The following APPL1 variants were observed in gnomAD, a reference collection of about 807,000 sequenced individuals.
APPL1 encodes the protein DCC-interacting protein 13-alpha.
APPL1 carries 42 observed loss-of-function variants against 106.8 expected under a neutral mutation model. The observed-to-expected ratio is 0.39, with a 90% CI of 0.31 to 0.51. The LOEUF (loss-of-function observed/expected upper bound fraction) is 0.51. APPL1 is among the 20% of genes least tolerant of loss of function. The probability of loss-of-function intolerance (pLI) is 0.75; values close to 1 mark genes in which losing one functional copy is unlikely to be tolerated. For missense variants in APPL1, 769 were observed against 858.2 expected, an observed-to-expected ratio of 0.90 and a Z score of 1.30; for synonymous variants, 263 against 281.8, an observed-to-expected ratio of 0.93 and a Z score of 0.67.
Position 57,227,986 on chromosome 3 carries a change from C to G in APPL1, c.54+49C>G, listed in dbSNP as rs887386595. On this transcript the variant is annotated intron_variant, in intron 1 of 21. Transcript: ENST00000288266. ...GACGAGGGAGAGCCCAGCTGGCCGA[C>G]CCCAGGTCTGGCGCCTCCGCGGCTC... The G allele has an allele frequency of 2.9e-6, 4 of 1,375,216 alleles. No individual in the cohort carries two copies. The African/African-American group carries it at 6.0e-5, about 21-fold the overall frequency. 85.2% of individuals were successfully genotyped at this position (1,375,216 alleles called of 1,614,324 possible).
chr3:57,234,147 T>C (rs2060703470), intron 1 of APPL1, among the ~76,000 whole-genome samples: 1 of 152,066 alleles, frequency 6.6e-6, no homozygotes, highest in Non-Finnish European at 1.5e-5. Context: ...AGAATAAAAA[T>C]ATATCTTTTA....
In APPL1 at chr3:57,239,143, C is replaced by G. The variant is rs1301923895; in HGVS notation, c.285+1027C>G. Among the ~76,000 whole-genome samples, 5 of 152,310 alleles carry G rather than the reference C, an allele frequency of 3.3e-5. No homozygotes were observed. In the South Asian group the frequency reaches 1.0e-3, roughly 32 times the overall value. Reference sequence around the variant, plus strand: ...CATCAGATCTCGTGAAACTTATTCACTACCACGAGAACAGTATGGGGGAAA... The same window carrying G: ...CATCAGATCTCGTGAAACTTATTCAGTACCACGAGAACAGTATGGGGGAAA... On this transcript the variant is annotated intron_variant, in intron 4 of 21. Transcript: ENST00000288266.
At position 57,269,754 on chromosome 3, in the gene APPL1, A is replaced by G. The variant is rs981815760; in HGVS notation, c.*67A>G. 1.8e-5 allele frequency: 27 copies of G among 1,532,386 alleles called. No individual in the cohort carries two copies. In the African/African-American group the frequency reaches 2.9e-4, roughly 16 times the overall value. The allele number at this position is 1,532,386 out of a possible 1,614,324, so 94.9% of individuals were successfully genotyped here. A position where few individuals can be genotyped will look rare whatever the true frequency, so the allele number is the denominator to read the frequency against. On this transcript the variant is annotated 3_prime_UTR_variant, in exon 22 of 22. Coordinates refer to ENST00000288266, the MANE Select transcript of APPL1 (RefSeq NM_012096.3). ...TTTCTATGGTGAAATGGCAGAAGGT[A>G]ACAACTATGTTGAAATATCAAGGAG...
At chr3:57,239,237 A>G (rs550743534) in intron 4 of APPL1, among the ~76,000 whole-genome samples, 5 of 152,316 alleles carry the variant, frequency 3.3e-5, no homozygotes, top group South Asian at 4.2e-4. Flanking sequence ...GGGAGCTACA[A>G]TTGAAGATGA....
chr3:57,261,924 A>G (rs57763275), intron 19 of APPL1, among the ~76,000 whole-genome samples: 25,983 of 152,000 alleles, frequency 0.17, 2,473 homozygotes, highest in African/African-American at 0.21. Context: ...CATTTCACCA[A>G]CATCTGCTAT....
chr3:57,241,627 A>G (rs529117440), intron 5 of APPL1, among the ~76,000 whole-genome samples: 2 of 152,330 alleles, frequency 1.3e-5, no homozygotes, highest in African/African-American at 4.8e-5. Flanking sequence ...CATCTAATGT[A>G]TTTTAAAGAT....
rs1205275936 is a variant in APPL1 at position 57,270,832 on chromosome 3, A to T, written c.*1145A>T. ...AGTAAAAGGTCCAATTTTGTGAAAGATTGAAAATGAATTGAATGCCTAGTA... is the reference window on the plus strand; with the variant it reads ...AGTAAAAGGTCCAATTTTGTGAAAGTTTGAAAATGAATTGAATGCCTAGTA... On this transcript the variant is annotated 3_prime_UTR_variant, in exon 22 of 22. Transcript: ENST00000288266. The T allele has an allele frequency of 1.3e-5, 2 of 152,174 alleles. No individual in the cohort carries two copies. The highest frequency in any genetic ancestry group is 2.9e-5 in the Non-Finnish European group (2 of 68,010). 9.4% of individuals were successfully genotyped at this position (152,174 alleles called of 1,614,324 possible).
intron 7 of APPL1, 51 bp downstream of exon 7, chr3:57,242,965 G>T: frequency 7.1e-7 from 1 of 1,406,594 alleles, no homozygotes; most frequent in Non-Finnish European, 1.0e-6. Context: ...TTCATTAGGT[G>T]GTTTAGTTTT....
chr3:57,244,490 A>G (rs931464871), intron 7 of APPL1, among the ~76,000 whole-genome samples: 1 of 152,200 alleles, frequency 6.6e-6, no homozygotes, highest in African/African-American at 2.4e-5. Context: ...TGACATTTAC[A>G]TTAAAGATAA....
chr3:57,242,037 T>C (rs2060748783), intron 5 of APPL1, 64 bp from the exon 6 acceptor site: 11 of 1,188,812 alleles, frequency 9.3e-6, no homozygotes, highest in Admixed American at 2.1e-5. Context: ...GTAGCAGTTA[T>C]TGTTTTCCAA....
intron 7 of APPL1, among the ~76,000 whole-genome samples, chr3:57,245,577 C>CT (rs2060768900): frequency 6.7e-6 from 1 of 149,774 alleles, no homozygotes; most frequent in African/African-American, 2.5e-5. Flanking sequence ...CAGTCTCTCT[C>CT]TGTCACCCAG....
chr3:57,244,408 G>A (rs940115375), intron 7 of APPL1, among the ~76,000 whole-genome samples: 1 of 152,070 alleles, frequency 6.6e-6, no homozygotes, highest in Non-Finnish European at 1.5e-5. Context: ...TGCCTGCCTC[G>A]GCCTCCCAAA....
chr3:57,247,628 T>G, intron 9 of APPL1, 151 bp downstream of exon 9: 1 of 573,144 alleles, frequency 1.7e-6, no homozygotes, highest in Admixed American at 3.5e-5. Context: ...TACTTCTTGT[T>G]TTTTTTTAAC....
At chr3:57,267,643 G>A (rs908439353) in intron 19 of APPL1, 99 bp from the exon 20 acceptor site, 3 of 973,440 alleles carry the variant, frequency 3.1e-6, no homozygotes, top group African/African-American at 3.2e-5. Context: ...AATGTATTAG[G>A]ATTAGTTATA....
intron 7 of APPL1, among the ~76,000 whole-genome samples, chr3:57,243,961 CT>C (rs1401226068): frequency 6.6e-6 from 1 of 152,154 alleles, no homozygotes; most frequent in African/African-American, 2.4e-5. Flanking sequence ...CCCTCAAAGA[CT>C]GGATACTCCA....
At position 57,228,825 on chromosome 3, in the gene APPL1, C is replaced by G. The variant is rs1169786961; in HGVS notation, c.54+888C>G. Among the ~76,000 whole-genome samples the G allele has an allele frequency of 6.6e-6, 1 of 152,178 alleles. No homozygotes were observed. Among genetic ancestry groups the G allele is most frequent in the Non-Finnish European group, 1.5e-5 (1 of 68,032 alleles). ...ATTTAAACGGTTTAAGACGGTGTTG[C>G]TGGTTGGACACTATTTAGAATGAAA... On this transcript the variant is annotated intron_variant, in intron 1 of 21. Coordinates refer to ENST00000288266, the MANE Select transcript of APPL1 (RefSeq NM_012096.3). The surrounding 1 kb of genome is among the most constrained non-coding windows in gnomAD (Gnocchi z 4.6).
At chr3:57,267,697 T>A in intron 19 of APPL1, 45 bp from the exon 20 acceptor site, 1 of 1,568,174 alleles carries the variant, frequency 6.4e-7, no homozygotes, top group South Asian at 1.1e-5. Context: ...ATTTTTGCTT[T>A]GTTGTGAGAA....
At chr3:57,243,786 G>C (rs1221586229) in intron 7 of APPL1, among the ~76,000 whole-genome samples, 2 of 152,002 alleles carry the variant, frequency 1.3e-5, no homozygotes, top group African/African-American at 4.8e-5. Context: ...AAAGGCTCTG[G>C]GTATAAAATT....
chr3:57,239,295 C>T (rs1472973057), intron 4 of APPL1, among the ~76,000 whole-genome samples: 1 of 152,182 alleles, frequency 6.6e-6, no homozygotes, highest in South Asian at 2.1e-4. Context: ...TCACTTCCAC[C>T]TCCCTGCTCC....
Sources: gnomAD v4.1 joint callset for allele counts (sites outside exome capture counted in the v4.1 genomes callset) on GRCh38, gnomAD v4.1.1 for gene constraint, Gnocchi (gnomAD v3.1) non-coding constraint, MANE v1.5 for transcripts, NCBI Gene and HGNC (gene_info 2026-07-23, HGNC 2026-07-21) for gene names.